WDR25: variants seen among roughly 807,000 people sequenced by gnomAD.
WDR25 encodes the protein WD repeat-containing protein 25.
A neutral mutation model predicts 47.7 loss-of-function variants in WDR25; 35 were observed. That is an observed-to-expected ratio of 0.73 (90% CI 0.56 to 0.97). WDR25 has a LOEUF of 0.97. WDR25 is among the 50% of genes least tolerant of loss of function. WDR25 has a pLI of 0.00. For missense variants in WDR25, 634 were observed against 704.7 expected (o/e 0.90, Z 1.14); for synonymous variants, 248 against 278.9 (o/e 0.89, Z 1.10).
intron 2 of WDR25, among the ~76,000 whole-genome samples, chr14:100,452,880 A>G (rs1899083225): frequency 6.6e-6 from 1 of 152,148 alleles, no homozygotes; most frequent in Non-Finnish European, 1.5e-5. Context: ...GTTGAGTGGT[A>G]TTAGATACAT....
intron 4 of WDR25, among the ~76,000 whole-genome samples, chr14:100,510,618 C>T (rs1901276836): frequency 6.6e-6 from 1 of 151,570 alleles, no homozygotes; most frequent in African/African-American, 2.4e-5. Flanking sequence ...TGCCTGTAAT[C>T]CCAGCTACTC....
rs147540420 is a variant in WDR25 at position 100,429,028 on chromosome 14, G to A, written c.823-38993G>A. 3.8e-3 allele frequency among the ~76,000 whole-genome samples: 574 copies of A among 152,276 alleles called. 4 individuals are homozygous for A. The highest frequency in any genetic ancestry group is 6.6e-3 in the South Asian group (32 of 4,830). On this transcript the variant is annotated intron_variant, in intron 2 of 6. Transcript: ENST00000402312. Reference sequence around the variant, plus strand: ...TGAATCAGTGCATACTGCTGTCACTGGGAAGTTTCCACTGTGCCGTAGATA... The same window carrying A: ...TGAATCAGTGCATACTGCTGTCACTAGGAAGTTTCCACTGTGCCGTAGATA...
rs540147834 is a variant in WDR25, at chr14:100,528,231, T to G, written c.1273-837T>G. Among the ~76,000 whole-genome samples the G allele has an allele frequency of 2.0e-5, 3 of 152,214 alleles. No homozygotes were observed. The East Asian group carries it at 5.8e-4, about 29-fold the overall frequency. ...CCCGAAGTTCATAATCAATATTAAGTATGATTGGGCTGAAATCAAGATGTT... is the reference window on the plus strand; with the variant it reads ...CCCGAAGTTCATAATCAATATTAAGGATGATTGGGCTGAAATCAAGATGTT... On this transcript the variant is annotated intron_variant, in intron 5 of 6. Coordinates refer to ENST00000402312, the MANE Select transcript of WDR25 (RefSeq NM_001161476.3).
intron 5 of WDR25, among the ~76,000 whole-genome samples, chr14:100,527,879 G>T (rs2030263189): frequency 6.6e-6 from 1 of 152,206 alleles, no homozygotes; most frequent in Non-Finnish European, 1.5e-5. Context: ...CTTAGAGAGT[G>T]TGGCCTAGGG....
chr14:100,526,896 T>TCCA, intron 5 of WDR25, among the ~76,000 whole-genome samples: 1 of 6,874 alleles, frequency 1.5e-4, no homozygotes, highest in African/African-American at 3.1e-4. Flanking sequence ...ACCCACCACC[T>TCCA]CCACTGTCAT....
Position 100,529,689 on chromosome 14 carries a change from CAG to C in WDR25, c.1414-130_1414-129del, listed in dbSNP as rs2030380622. 1 of 1,059,158 alleles carries C rather than the reference CAG, an allele frequency of 9.4e-7. No individual in the cohort carries two copies. The highest frequency in any genetic ancestry group is 1.3e-6 in the Non-Finnish European group (1 of 742,668). The allele number at this position is 1,059,158 out of a possible 1,614,324, so 65.6% of individuals were successfully genotyped here. A position where few individuals can be genotyped will look rare whatever the true frequency, so the allele number is the denominator to read the frequency against. On this transcript the variant is annotated intron_variant, in intron 6 of 6. Transcript: ENST00000402312. The surrounding 1 kb of genome is among the most constrained non-coding windows in gnomAD (Gnocchi z 5.1). ...ATGGGCGGGACCTGGGCTTTGGCCTCAGGGACACGAGGTGCGAAGCCCAGCTC... is the reference window on the plus strand; with the variant it reads ...ATGGGCGGGACCTGGGCTTTGGCCTCGGACACGAGGTGCGAAGCCCAGCTC...
At chr14:100,434,901 C>T (rs34657274) in intron 2 of WDR25, among the ~76,000 whole-genome samples, 57,848 of 152,118 alleles carry the variant, frequency 0.38, 13,017 homozygotes, top group South Asian at 0.65. Flanking sequence ...CACAGTTTGC[C>T]GTTTCTCATT....
At chr14:100,452,122 C>T (rs1294601745) in intron 2 of WDR25, among the ~76,000 whole-genome samples, 2 of 152,164 alleles carry the variant, frequency 1.3e-5, no homozygotes, top group African/African-American at 4.8e-5. Context: ...ATTCATAACC[C>T]ATCCCTCCAT....
intron 2 of WDR25, among the ~76,000 whole-genome samples, chr14:100,386,858 A>G (rs1217928140): frequency 2.0e-5 from 3 of 152,006 alleles, no homozygotes; most frequent in African/African-American, 7.3e-5. Context: ...GCACCACTGC[A>G]CTCCAGCCTG....
At chr14:100,401,834 T>C (rs1299127713) in intron 2 of WDR25, among the ~76,000 whole-genome samples, 1 of 152,220 alleles carries the variant, frequency 6.6e-6, no homozygotes, top group African/African-American at 2.4e-5. Flanking sequence ...TCATTCTGTG[T>C]ATGCAGGCAC....
At chr14:100,380,043 T>TTTTTC (rs56062624) in intron 1 of WDR25, among the ~76,000 whole-genome samples, 101,606 of 149,490 alleles carry the variant, frequency 0.68, 35,141 homozygotes, top group South Asian at 0.86. Flanking sequence ...ACCCAGCGCT[T>TTTTTC]TTTTCTTTTC....
chr14:100,379,390 C>CTTTTTTTTTTTTTTTTTTTTT (rs148841833), intron 1 of WDR25, among the ~76,000 whole-genome samples: 2 of 135,452 alleles, frequency 1.5e-5, no homozygotes, highest in East Asian at 4.2e-4. Context: ...CTTTTTTTTT[C>CTTTTTTTTTTTTTTTTTTTTT]TTTTTTTTTT....
At chr14:100,464,547 A>G (rs2140290396) in intron 2 of WDR25, among the ~76,000 whole-genome samples, 1 of 152,194 alleles carries the variant, frequency 6.6e-6, no homozygotes, top group Non-Finnish European at 1.5e-5. Flanking sequence ...GAATAAATGA[A>G]TGAGTTTCAG....
At chr14:100,477,162 G>A (rs1900044944) in intron 3 of WDR25, among the ~76,000 whole-genome samples, 1 of 152,218 alleles carries the variant, frequency 6.6e-6, no homozygotes, top group African/African-American at 2.4e-5. Context: ...GCTTGGAGGA[G>A]CCACTATTCC....
At position 100,459,882 on chromosome 14, in the gene WDR25, A is replaced by ATGTGTGTGTGTGTGTGTGTG. The variant is rs1196765655; in HGVS notation, c.823-8126_823-8125insGTGTGTGTGTGTGTGTGTGT. Among the ~76,000 whole-genome samples the ATGTGTGTGTGTGTGTGTGTG allele has an allele frequency of 6.9e-5, 5 of 72,078 alleles. No individual in the cohort carries two copies. The East Asian group carries it at 2.0e-3, about 28-fold the overall frequency. The allele number at this position is 72,078 out of a possible 152,430, so 47.3% of individuals were successfully genotyped here. A position where few individuals can be genotyped will look rare whatever the true frequency, so the allele number is the denominator to read the frequency against. ...AATGGATATATATATATATCCGTAT[A>ATGTGTGTGTGTGTGTGTGTG]TGTGTGTGTGTGTATATATATATAT... On this transcript the variant is annotated intron_variant, in intron 2 of 6. Transcript: ENST00000402312.
chr14:100,500,559 G>A lies in WDR25; in HGVS notation c.1101+16435G>A, dbSNP rs962608765. 6.6e-6 allele frequency among the ~76,000 whole-genome samples: 1 copy of A among 152,172 alleles called. No individual in the cohort carries two copies. Among genetic ancestry groups the A allele is most frequent in the Non-Finnish European group, 1.5e-5 (1 of 68,030 alleles). ...AGAGAGATAGACCCCTCCCCTCAGT[G>A]CCCTAGTTAGTTTCTCTGGGGCTAG... On this transcript the variant is annotated intron_variant, in intron 4 of 6. Transcript: ENST00000402312. This position sits in a 1 kb window ranked among gnomAD's most constrained non-coding sequence, Gnocchi z 4.7.
At chr14:100,390,390 G>GTTGTGT (rs1897113781) in intron 2 of WDR25, among the ~76,000 whole-genome samples, 1 of 57,914 alleles carries the variant, frequency 1.7e-5, no homozygotes, top group African/African-American at 6.7e-5. Context: ...CTGACCAAAA[G>GTTGTGT]CTGTGTGTGT....
In WDR25 at chr14:100,523,655, G is replaced by C. The variant is rs567955305; in HGVS notation, c.1102-2215G>C. 6.6e-6 allele frequency among the ~76,000 whole-genome samples: 1 copy of C among 152,172 alleles called. No homozygotes were observed. The highest frequency in any genetic ancestry group is 1.5e-5 in the Non-Finnish European group (1 of 68,032). ...GCAGGAACCCAAGGCTGCTCTGGAC[G>C]AGTCAGCAGCGGCCCAGCATCCCCC... is the stretch of plus-strand genomic sequence containing the variant. On this transcript the variant is annotated intron_variant, in intron 4 of 6. Transcript: ENST00000402312. This position sits in a 1 kb window ranked among gnomAD's most constrained non-coding sequence, Gnocchi z 4.7.
intron 4 of WDR25, among the ~76,000 whole-genome samples, chr14:100,496,993 G>A (rs1238590400): frequency 2.6e-5 from 4 of 151,784 alleles, no homozygotes; most frequent in Admixed American, 6.6e-5. Context: ...GTGCCACCAC[G>A]CCTGGCTAAT....
Sources: gnomAD v4.1 joint callset for allele counts (sites outside exome capture counted in the v4.1 genomes callset) on GRCh38, gnomAD v4.1.1 for gene constraint, Gnocchi (gnomAD v3.1) non-coding constraint, MANE v1.5 for transcripts, NCBI Gene and HGNC (gene_info 2026-07-23, HGNC 2026-07-21) for gene names.